The following RP1 variants were observed in gnomAD, a reference collection of about 807,000 sequenced individuals.
RP1 encodes RP1 axonemal microtubule associated.
In RP1, 16 loss-of-function variants were observed where a neutral mutation model predicts 14.8. The ratio of observed to expected loss-of-function variants is 1.08; its 90% CI spans 0.73 to 1.65. The LOEUF is 1.65. Among genes scored for constraint, RP1 ranks in the 40% most tolerant of loss-of-function variants. The pLI is 0.00. For missense variants in RP1, 2,631 were observed against 2,535.0 expected, an observed-to-expected ratio of 1.04 and a Z score of -0.81; for synonymous variants, 876 against 883.6, an observed-to-expected ratio of 0.99 and a Z score of 0.15.
intron 19 of RP1, among the ~76,000 whole-genome samples, chr8:54,741,707 G>GTATATGTATATA (rs1554528862): frequency 1.7e-5 from 1 of 58,034 alleles, no homozygotes; most frequent in Admixed American, 1.9e-4. Flanking sequence ...AAATGTGTGT[G>GTATATGTATATA]TATATATATA....
At chr8:54,751,687 C>A (rs1167834459) in intron 19 of RP1, among the ~76,000 whole-genome samples, 1 of 152,174 alleles carries the variant, frequency 6.6e-6, no homozygotes, top group Non-Finnish European at 1.5e-5. Context: ...CTGAGTCCTG[C>A]CATTAGCTAT....
At chr8:54,849,342 GA>G (rs951504869) in intron 25 of RP1, among the ~76,000 whole-genome samples, 45 of 149,728 alleles carry the variant, frequency 3.0e-4, no homozygotes, top group African/African-American at 6.1e-4. Flanking sequence ...AATTGGACTG[GA>G]AAAAAAAAAT....
chr8:54,603,375 C>T, intron 1 of RP1, among the ~76,000 whole-genome samples: 1 of 152,122 alleles, frequency 6.6e-6, no homozygotes, highest in East Asian at 1.9e-4. Context: ...TCTGAGGGCT[C>T]TGTTCTGTTC....
At chr8:54,734,499 C>T in intron 17 of RP1, 2 of 1,483,598 alleles carry the variant, frequency 1.3e-6, no homozygotes, top group Non-Finnish European at 1.8e-6. Context: ...ATTCTGTCAG[C>T]CTGATGTTAT....
At chr8:54,765,072 T>C (rs1038532721) in intron 22 of RP1, among the ~76,000 whole-genome samples, 2 of 152,272 alleles carry the variant, frequency 1.3e-5, no homozygotes, top group Non-Finnish European at 2.9e-5. Context: ...GCGTTTCTGC[T>C]GCTCTATCAC....
At chr8:54,800,738 C>T (rs1810685820) in intron 24 of RP1, among the ~76,000 whole-genome samples, 1 of 152,132 alleles carries the variant, frequency 6.6e-6, no homozygotes, top group Non-Finnish European at 1.5e-5. Context: ...TGAAAGTACT[C>T]ACCTGTTTTT....
intron 1 of RP1, among the ~76,000 whole-genome samples, chr8:54,574,549 T>C (rs939704751): frequency 1.3e-5 from 2 of 152,110 alleles, no homozygotes; most frequent in Non-Finnish European, 2.9e-5. Flanking sequence ...TATTGGGAGA[T>C]GTAGCCCTAA....
Position 54,626,401 on chromosome 8 carries a change from C to T in RP1, c.2519C>T (p.Ala840Val). 2 of 1,613,470 alleles carry T rather than the reference C, an allele frequency of 1.2e-6. No homozygotes were observed. The highest frequency in any genetic ancestry group is 1.7e-6 in the Non-Finnish European group (2 of 1,179,840). ...PKDFYAPQSQ[A>V]EVASGYLRGM... ...GATTTTTATGCACCGCAATCTCAAG[C>T]AGAAGTGGCATCTGGGTATTTGAGA... is the stretch of plus-strand genomic sequence containing the variant. The change falls in exon 4 of 4, where the codon GCA (alanine) becomes GTA (valine). Residue 840 changes from alanine to valine, a missense_variant. Ala to Val is a moderately conservative substitution (Grantham distance 64). Coordinates refer to ENST00000220676, the MANE Select transcript of RP1 (RefSeq NM_006269.2).
chr8:54,802,856 T>A (rs189275040), intron 24 of RP1, among the ~76,000 whole-genome samples: 10 of 152,320 alleles, frequency 6.6e-5, no homozygotes, highest in African/African-American at 2.4e-4. Flanking sequence ...CAGTTCTCTC[T>A]TGGGATTGGA....
intron 19 of RP1, among the ~76,000 whole-genome samples, chr8:54,750,721 C>T (rs769554640): frequency 8.4e-5 from 3 of 35,756 alleles, no homozygotes; most frequent in African/African-American, 2.0e-4. Context: ...TCTATAAAAA[C>T]GCACCAATCA....
intron 21 of RP1, among the ~76,000 whole-genome samples, chr8:54,758,627 C>T (rs964589941): frequency 1.2e-4 from 18 of 152,026 alleles, no homozygotes; most frequent in Non-Finnish European, 2.4e-4. Context: ...AGGGGTCTAA[C>T]GAGAGAAAAG....
chr8:54,610,841 A>G (rs1372109661), intron 1 of RP1, among the ~76,000 whole-genome samples: 1 of 152,062 alleles, frequency 6.6e-6, no homozygotes, highest in Non-Finnish European at 1.5e-5. Context: ...GGCGTACCTG[A>G]ATTTCTTTTT....
At chr8:54,598,409 C>A (rs577257180) in intron 1 of RP1, among the ~76,000 whole-genome samples, 1 of 151,946 alleles carries the variant, frequency 6.6e-6, no homozygotes, top group Non-Finnish European at 1.5e-5. Flanking sequence ...TTCTCTTTAC[C>A]CTCCCTCATT....
At chr8:54,563,761 G>C (rs1158788807) in intron 1 of RP1, among the ~76,000 whole-genome samples, 1 of 151,894 alleles carries the variant, frequency 6.6e-6, no homozygotes, top group African/African-American at 2.4e-5. Flanking sequence ...GTAGCTTAGG[G>C]TGGTCTCAAA....
At chr8:54,708,678 C>A (rs982708937) in intron 15 of RP1, among the ~76,000 whole-genome samples, 3 of 151,744 alleles carry the variant, frequency 2.0e-5, no homozygotes, top group Non-Finnish European at 4.4e-5. Context: ...TTTCTTGGTT[C>A]TTCACTTCCA....
At chr8:54,609,341 C>T (rs1376353662) in intron 1 of RP1, among the ~76,000 whole-genome samples, 2 of 151,994 alleles carry the variant, frequency 1.3e-5, no homozygotes, top group Admixed American at 6.6e-5. Flanking sequence ...GCAGTCCCAG[C>T]TACTCAGGAG....
At chr8:54,661,179 A>G (rs544218005) in intron 6 of RP1, among the ~76,000 whole-genome samples, 2 of 147,520 alleles carry the variant, frequency 1.4e-5, no homozygotes, top group Non-Finnish European at 3.0e-5. Flanking sequence ...AATATGTAAT[A>G]TAATATAATG....
At chr8:54,863,021 C>CT in intron 27 of RP1, among the ~76,000 whole-genome samples, 1 of 141,892 alleles carries the variant, frequency 7.0e-6, no homozygotes, top group Non-Finnish European at 1.5e-5. Context: ...AAAGTCTTCT[C>CT]TACCCCCAGA....
chr8:54,724,467 C>A (rs1252066317), intron 16 of RP1, among the ~76,000 whole-genome samples: 1 of 152,166 alleles, frequency 6.6e-6, no homozygotes, highest in Non-Finnish European at 1.5e-5. Context: ...TCATCCAAAT[C>A]CAGCTGTATA....
Sources: allele counts gnomAD v4.1 joint callset (sites outside exome capture counted in the v4.1 genomes callset), GRCh38; gene constraint gnomAD v4.1.1; transcripts MANE v1.5; gene names NCBI Gene and HGNC (gene_info 2026-07-23, HGNC 2026-07-21).